Variants in POLA1 observed in about 807,000 individuals in gnomAD.
The protein encoded by POLA1 is DNA polymerase alpha 1, catalytic subunit, also known as DNA polymerase alpha catalytic subunit.
A neutral mutation model predicts 124.0 loss-of-function variants in POLA1; 15 were observed. The observed-to-expected ratio is 0.12, with a 90% CI of 0.08 to 0.19. POLA1 has a LOEUF of 0.19. Among genes scored for constraint, POLA1 ranks in the 10% least tolerant of loss-of-function variants. The pLI, the probability that POLA1 is intolerant of heterozygous loss-of-function variation, is 1.00. For missense variants in POLA1, 886 were observed against 1,103.4 expected (o/e 0.80, Z 2.79); for synonymous variants, 408 against 389.4 (o/e 1.05, Z -0.56).
At chrX:24,896,061 A>G (rs972299968) in intron 35 of POLA1, among the ~76,000 whole-genome samples, 3 of 111,930 alleles carry the variant, frequency 2.7e-5, no homozygotes, top group African/African-American at 9.7e-5. Flanking sequence ...TCCCTAATCA[A>G]TAAGGTAGGA....
At chrX:24,817,593 G>C (rs763707775) in intron 30 of POLA1, among the ~76,000 whole-genome samples, 2 of 88,963 alleles carry the variant, frequency 2.2e-5, no homozygotes, top group Admixed American at 2.7e-4. Context: ...GGGCGACAGA[G>C]CAAGATTCCA....
chrX:24,778,700 A>G (rs1368346919), intron 26 of POLA1, among the ~76,000 whole-genome samples: 1 of 112,246 alleles, frequency 8.9e-6, no homozygotes, highest in Non-Finnish European at 1.9e-5. Context: ...TACATTACTT[A>G]ATCCTCATAG....
rs746854910 is a variant in POLA1, at chrX:24,995,766, A to C, written c.4262-39A>C. On this transcript the variant is annotated intron_variant, in intron 36 of 36. Transcript: ENST00000379068. ...GGAATACTGAATGTTCTTTAAAGAA[A>C]CTACCTGAGACTTCTAATCTCTCTC... is the stretch of plus-strand genomic sequence containing the variant. 1.3e-5 allele frequency: 15 copies of C among 1,137,917 alleles called. No homozygotes were observed. The Admixed American group carries it at 2.5e-4, about 19-fold the overall frequency. 93.8% of individuals were successfully genotyped at this position (1,137,917 alleles called of 1,213,427 possible). A position where few individuals can be genotyped will look rare whatever the true frequency, so the allele number is the denominator to read the frequency against.
chrX:24,741,033 C>A (rs1170367190), intron 20 of POLA1, among the ~76,000 whole-genome samples: 1 of 110,524 alleles, frequency 9.0e-6, no homozygotes, highest in Non-Finnish European at 1.9e-5. Context: ...AATACATACT[C>A]ACTGGATGGA....
chrX:24,894,788 C>CT (rs761056089), intron 35 of POLA1, among the ~76,000 whole-genome samples: 4,932 of 98,534 alleles, frequency 0.05, 299 homozygotes, highest in African/African-American at 0.16. Flanking sequence ...CTTTTCTTTT[C>CT]TTTTTTTTTT....
chrX:24,730,489 G>A (rs1352282424), intron 15 of POLA1, among the ~76,000 whole-genome samples: 1 of 111,338 alleles, frequency 9.0e-6, no homozygotes, highest in Non-Finnish European at 1.9e-5. Context: ...TAAGTGATCC[G>A]CCCACCTTGG....
chrX:24,742,205 T>A (rs1334199810), intron 22 of POLA1, 84 bp downstream of exon 22: 2 of 836,174 alleles, frequency 2.4e-6, no homozygotes, highest in Non-Finnish European at 3.3e-6. Flanking sequence ...TTTTCTGTGA[T>A]AACATCTGCT....
At chrX:24,947,957 T>G (rs1051032295) in intron 36 of POLA1, among the ~76,000 whole-genome samples, 3 of 112,357 alleles carry the variant, frequency 2.7e-5, no homozygotes, top group African/African-American at 9.7e-5. Flanking sequence ...TTAGAAAATC[T>G]ATTCCTGGTT....
intron 35 of POLA1, among the ~76,000 whole-genome samples, chrX:24,917,508 A>G (rs1034476393): frequency 6.3e-5 from 7 of 111,922 alleles, no homozygotes; most frequent in Admixed American, 1.9e-4. Flanking sequence ...TTGTTACTGA[A>G]TAACTACTTA....
chrX:24,869,591 CAG>C (rs1388245751), intron 34 of POLA1, among the ~76,000 whole-genome samples: 3 of 112,276 alleles, frequency 2.7e-5, no homozygotes, highest in African/African-American at 9.7e-5. Context: ...ATCTCGATAT[CAG>C]AGAGTTTAGT....
chrX:24,951,563 C>G (rs778412260), intron 36 of POLA1, among the ~76,000 whole-genome samples: 1 of 110,216 alleles, frequency 9.1e-6, no homozygotes, highest in Non-Finnish European at 1.9e-5. Context: ...CATCTTCCCG[C>G]CCCACTTCAC....
chrX:24,826,872 G>A (rs1291904623), intron 32 of POLA1, among the ~76,000 whole-genome samples: 5 of 111,744 alleles, frequency 4.5e-5, no homozygotes, highest in African/African-American at 1.3e-4. Context: ...AGGGTAAAGT[G>A]AAGATTTCAG....
At chrX:24,918,799 G>A (rs1307328783) in intron 35 of POLA1, among the ~76,000 whole-genome samples, 2 of 111,323 alleles carry the variant, frequency 1.8e-5, no homozygotes, top group African/African-American at 3.3e-5. Flanking sequence ...AGCTGGCTGT[G>A]TAGAGATCGC....
intron 36 of POLA1, among the ~76,000 whole-genome samples, chrX:24,961,682 G>A (rs913277319): frequency 1.8e-5 from 2 of 111,400 alleles, no homozygotes; most frequent in Non-Finnish European, 1.9e-5. Flanking sequence ...CCTGAGCTCA[G>A]CCATTCCTCC....
At chrX:24,936,584 T>C (rs2047851198) in intron 36 of POLA1, among the ~76,000 whole-genome samples, 1 of 111,436 alleles carries the variant, frequency 9.0e-6, no homozygotes, top group East Asian at 2.8e-4. Flanking sequence ...CAGGCTAGAG[T>C]GCAGTGGTGT....
In POLA1 at chrX:24,722,271, T is replaced by C. The variant is rs142714806; in HGVS notation, c.1088-884T>C. 2.9e-3 allele frequency among the ~76,000 whole-genome samples: 328 copies of C among 112,142 alleles called. 3 individuals are homozygous for C. In the East Asian group the frequency reaches 0.048, roughly 16 times the overall value. On this transcript the variant is annotated intron_variant, in intron 10 of 36. Transcript: ENST00000379068. The stretch of plus-strand genomic sequence containing the variant: ...CCCAGGATTTTGCACAGTGACCATC[T>C]CCTGGGTTGACTAACAAATGTTTGC...
chrX:24,911,707 G>A (rs773731410), intron 35 of POLA1, among the ~76,000 whole-genome samples: 10 of 111,387 alleles, frequency 9.0e-5, no homozygotes, highest in South Asian at 3.8e-4. Context: ...CCTCTAGCAA[G>A]GCTGACAAAG....
chrX:24,798,562 A>G (rs1236658162), intron 26 of POLA1, among the ~76,000 whole-genome samples: 1 of 110,230 alleles, frequency 9.1e-6, no homozygotes, highest in African/African-American at 3.3e-5. Flanking sequence ...TTTCTAGTTT[A>G]TTGCCCACCT....
chrX:24,951,826 G>A (rs1275049103), intron 36 of POLA1, among the ~76,000 whole-genome samples: 1 of 111,428 alleles, frequency 9.0e-6, no homozygotes, highest in Non-Finnish European at 1.9e-5. Context: ...TCTGGAAACT[G>A]AGAATGCCTT....
Sources: allele counts gnomAD v4.1 joint callset (sites outside exome capture counted in the v4.1 genomes callset), GRCh38; gene constraint gnomAD v4.1.1; transcripts MANE v1.5; gene names NCBI Gene and HGNC (gene_info 2026-07-23, HGNC 2026-07-21).